Variants in TJP1 observed in about 807,000 individuals in gnomAD.
TJP1 encodes tight junction protein ZO-1.
In TJP1, 43 loss-of-function variants were observed where a neutral mutation model predicts 194.2. That is an observed-to-expected ratio of 0.22 (90% confidence interval 0.17 to 0.29). The LOEUF (loss-of-function observed/expected upper bound fraction) is 0.29, where lower values mean the gene tolerates loss of function less well. TJP1 is among the 10% of genes least tolerant of loss of function. The probability of loss-of-function intolerance (pLI) is 1.00; values close to 1 mark genes in which losing one functional copy is unlikely to be tolerated. For missense variants in TJP1, 1,971 were observed against 2,185.7 expected (o/e 0.90, Z 1.96); for synonymous variants, 801 against 779.0 (o/e 1.03, Z -0.47).
chr15:29,777,816 C>T (rs1336455765), intron 2 of TJP1, among the ~76,000 whole-genome samples: 8 of 152,174 alleles, frequency 5.3e-5, no homozygotes. Context: ...TTATTCATTG[C>T]AGACTGTTTG....
chr15:29,949,117 T>TACAACCACCACCTCCACCTCC (rs2055398556), intron 2 of TJP1, among the ~76,000 whole-genome samples: 1 of 89,862 alleles, frequency 1.1e-5, no homozygotes, highest in African/African-American at 4.5e-5. Context: ...CTTCCACCTC[T>TACAACCACCACCTCCACCTCC]ACAACCACCA....
At chr15:29,932,666 A>G (rs1175856315) in intron 2 of TJP1, among the ~76,000 whole-genome samples, 2 of 152,180 alleles carry the variant, frequency 1.3e-5, no homozygotes, top group African/African-American at 4.8e-5. Context: ...TAAAAGGTAA[A>G]ATTACTGACA....
chr15:29,717,196 A>G (rs575453870), intron 22 of TJP1, among the ~76,000 whole-genome samples: 20 of 152,358 alleles, frequency 1.3e-4, no homozygotes, highest in African/African-American at 3.4e-4. Flanking sequence ...AGAACAGTAA[A>G]TGATAGACTT....
intron 1 of TJP1, among the ~76,000 whole-genome samples, chr15:29,967,742 T>G (rs2056381616): frequency 6.6e-6 from 1 of 152,230 alleles, no homozygotes; most frequent in Non-Finnish European, 1.5e-5. Flanking sequence ...CTTTCCTCAT[T>G]ACCTAAAAGC....
chr15:29,866,950 T>TA (rs2052327173), intron 2 of TJP1, among the ~76,000 whole-genome samples: 1 of 152,174 alleles, frequency 6.6e-6, no homozygotes, highest in Admixed American at 6.5e-5. Flanking sequence ...CTCAGAAAGA[T>TA]ACTCAGACTG....
intron 8 of TJP1, among the ~76,000 whole-genome samples, chr15:29,748,815 C>A (rs896145312): frequency 6.6e-6 from 1 of 151,978 alleles, no homozygotes; most frequent in Non-Finnish European, 1.5e-5. Flanking sequence ...TTCAAGTTAT[C>A]CTCCTACTTC....
chr15:29,832,728 T>C (rs1216908802), intron 2 of TJP1, among the ~76,000 whole-genome samples: 2 of 152,224 alleles, frequency 1.3e-5, no homozygotes, highest in African/African-American at 4.8e-5. Context: ...ACTCCACTGA[T>C]AGAGGCAGAT....
chr15:29,703,866 C>T (rs559574135), intron 27 of TJP1, among the ~76,000 whole-genome samples: 12 of 152,268 alleles, frequency 7.9e-5, no homozygotes, highest in East Asian at 7.7e-4. Context: ...TGGTCTTGAA[C>T]TCCTGACCTC....
At chr15:29,779,217 A>G (rs1448751251) in intron 2 of TJP1, among the ~76,000 whole-genome samples, 2 of 152,176 alleles carry the variant, frequency 1.3e-5, no homozygotes, top group African/African-American at 4.8e-5. Context: ...TGAATGCCCA[A>G]AGAGAGGTGA....
intron 1 of TJP1, among the ~76,000 whole-genome samples, chr15:29,813,312 GC>G (rs1322516059): frequency 6.6e-6 from 1 of 152,106 alleles, no homozygotes; most frequent in African/African-American, 2.4e-5. Flanking sequence ...CTTTTGCTCA[GC>G]TGTTGGTACT....
chr15:29,825,552 C>G (rs2050650134), upstream of TJP1, among the ~76,000 whole-genome samples: 1 of 152,084 alleles, frequency 6.6e-6, no homozygotes, highest in South Asian at 2.1e-4. Context: ...ATAAAACAGC[C>G]TTGACCAAAT....
At chr15:29,938,643 G>T (rs2054962855) in intron 2 of TJP1, among the ~76,000 whole-genome samples, 1 of 152,198 alleles carries the variant, frequency 6.6e-6, no homozygotes, top group Non-Finnish European at 1.5e-5. Flanking sequence ...AGCACAGGGT[G>T]TCTGAAATTT....
At chr15:29,723,110 A>T (rs1354019491) in intron 18 of TJP1, among the ~76,000 whole-genome samples, 1 of 152,192 alleles carries the variant, frequency 6.6e-6, no homozygotes, top group Non-Finnish European at 1.5e-5. Flanking sequence ...GTTAATGCTG[A>T]AATGAGTTAA....
chr15:29,924,783 C>T (rs774207454), intron 2 of TJP1, among the ~76,000 whole-genome samples: 3 of 146,586 alleles, frequency 2.0e-5, no homozygotes, highest in Non-Finnish European at 4.5e-5. Flanking sequence ...CTCTCCTAAA[C>T]GGAGATCTTA....
chr15:29,915,320 CA>C (rs1207266113), intron 2 of TJP1, among the ~76,000 whole-genome samples: 1 of 138,314 alleles, frequency 7.2e-6, no homozygotes, highest in Non-Finnish European at 1.5e-5. Context: ...ATATATGGAT[CA>C]TTTTTTTTGA....
intron 2 of TJP1, among the ~76,000 whole-genome samples, chr15:29,782,171 CCAACAA>C (rs2151736237): frequency 6.6e-6 from 1 of 152,130 alleles, no homozygotes; most frequent in East Asian, 1.9e-4. Flanking sequence ...TTCTTATAAA[CCAACAA>C]CAGCCAAGAG....
At chr15:29,893,787 T>G (rs1366617698) in intron 2 of TJP1, among the ~76,000 whole-genome samples, 1 of 152,220 alleles carries the variant, frequency 6.6e-6, no homozygotes, top group Admixed American at 6.5e-5. Flanking sequence ...CTGACTGCAT[T>G]GTGATATTTG....
chr15:29,856,674 A>T (rs2051862661), intron 2 of TJP1, among the ~76,000 whole-genome samples: 2 of 152,072 alleles, frequency 1.3e-5, no homozygotes, highest in Non-Finnish European at 2.9e-5. Context: ...AATATTTCTT[A>T]AAAAAATATG....
At chr15:29,847,293 G>A (rs2051450303) in intron 2 of TJP1, among the ~76,000 whole-genome samples, 1 of 151,914 alleles carries the variant, frequency 6.6e-6, no homozygotes, top group African/African-American at 2.4e-5. Flanking sequence ...TTGTAGAGAC[G>A]AGTTTTGCAT....
Sources: gnomAD v4.1 joint callset for allele counts (sites outside exome capture counted in the v4.1 genomes callset) on GRCh38, gnomAD v4.1.1 for gene constraint, MANE v1.5 for transcripts, NCBI Gene and HGNC (gene_info 2026-07-23, HGNC 2026-07-21) for gene names.